The following PPP1R16B variants were observed in gnomAD, a reference collection of about 807,000 sequenced individuals.
The protein encoded by PPP1R16B is protein phosphatase 1 regulatory inhibitor subunit 16B.
PPP1R16B carries 14 observed loss-of-function variants against 61.7 expected under a neutral mutation model. That is an observed-to-expected ratio of 0.23 (90% CI 0.15 to 0.35). The LOEUF (loss-of-function observed/expected upper bound fraction) is 0.35, where lower values mean the gene tolerates loss of function less well. PPP1R16B is among the 10% of genes least tolerant of loss of function. The pLI is 1.00. For missense variants in PPP1R16B, 547 were observed against 752.5 expected, an observed-to-expected ratio of 0.73 and a Z score of 3.19; for synonymous variants, 266 against 305.3, an observed-to-expected ratio of 0.87 and a Z score of 1.34.
At chr20:38,881,051 C>T (rs766256119) in intron 2 of PPP1R16B, among the ~76,000 whole-genome samples, 1 of 152,168 alleles carries the variant, frequency 6.6e-6, no homozygotes, top group Non-Finnish European at 1.5e-5. Flanking sequence ...CTCCTGGGAC[C>T]TGAGGCTTGG....
chr20:38,817,565 CAAA>C (rs773898309), intron 1 of PPP1R16B, among the ~76,000 whole-genome samples: 3 of 50,678 alleles, frequency 5.9e-5, no homozygotes, highest in Admixed American at 2.1e-4. Context: ...AACTCCATCT[CAAA>C]AAAAAAAAAA....
chr20:38,910,992 TCAAAACAAAA>T (rs553973851), intron 10 of PPP1R16B, among the ~76,000 whole-genome samples: 18 of 151,260 alleles, frequency 1.2e-4, no homozygotes, highest in Non-Finnish European at 2.2e-4. Flanking sequence ...AGACTCCGTC[TCAAAACAAAA>T]CAAAACAAAA....
intron 2 of PPP1R16B, among the ~76,000 whole-genome samples, chr20:38,855,982 A>AGAGAGAAGG (rs1449393855): frequency 2.4e-5 from 1 of 41,574 alleles, no homozygotes; most frequent in Admixed American, 2.9e-4. Context: ...AGAGAGAGAG[A>AGAGAGAAGG]AGGAGGAGGA....
chr20:38,857,402 C>T (rs1469922244), intron 2 of PPP1R16B, among the ~76,000 whole-genome samples: 5 of 152,134 alleles, frequency 3.3e-5, no homozygotes, highest in African/African-American at 9.7e-5. Flanking sequence ...TAACTGTATT[C>T]CTTATTTAAT....
chr20:38,883,147 G>T (rs1274681933), intron 2 of PPP1R16B, among the ~76,000 whole-genome samples: 2 of 152,194 alleles, frequency 1.3e-5, no homozygotes, highest in Non-Finnish European at 2.9e-5. Flanking sequence ...ATGGCGAGGT[G>T]GCAGCAGCTC....
chr20:38,833,370 T>C lies in PPP1R16B; in HGVS notation c.-101-2455T>C, dbSNP rs6015967. Among the ~76,000 whole-genome samples the C allele has an allele frequency of 7.2e-5, 11 of 152,332 alleles. 1 individual carries two copies. Among genetic ancestry groups the C allele is most frequent in the African/African-American group, 1.7e-4 (7 of 41,584 alleles). ...TTATGAACTGAGGTGGTAGATACATTGATACAATTGCATAAAACAAAACAC... is the reference window on the plus strand; with the variant it reads ...TTATGAACTGAGGTGGTAGATACATCGATACAATTGCATAAAACAAAACAC... On this transcript the variant is annotated intron_variant, in intron 1 of 10. Transcript: ENST00000299824.
At chr20:38,847,091 T>C (rs1361976497) in intron 2 of PPP1R16B, among the ~76,000 whole-genome samples, 1 of 152,216 alleles carries the variant, frequency 6.6e-6, no homozygotes, top group Non-Finnish European at 1.5e-5. Flanking sequence ...TTCATTGGCT[T>C]TGAGGTCTCG....
At chr20:38,810,329 G>A (rs942937273) in intron 1 of PPP1R16B, among the ~76,000 whole-genome samples, 6 of 152,224 alleles carry the variant, frequency 3.9e-5, no homozygotes, top group Non-Finnish European at 7.3e-5. Context: ...CTATCCTGCC[G>A]GGAGCCCCGA....
chr20:38,906,749 C>A (rs560738659), intron 7 of PPP1R16B, among the ~76,000 whole-genome samples: 1 of 152,298 alleles, frequency 6.6e-6, no homozygotes, highest in African/African-American at 2.4e-5. Context: ...TTACAGCCAA[C>A]TCTTTCTTCT....
chr20:38,843,385 C>CA (rs2084920402), intron 2 of PPP1R16B, among the ~76,000 whole-genome samples: 1 of 152,234 alleles, frequency 6.6e-6, no homozygotes, highest in Admixed American at 6.5e-5. Context: ...AGGTTGCAGT[C>CA]ACTTCAGGAT....
chr20:38,837,569 T>G (rs2084880477), intron 2 of PPP1R16B, among the ~76,000 whole-genome samples: 1 of 149,112 alleles, frequency 6.7e-6, no homozygotes, highest in African/African-American at 2.5e-5. Flanking sequence ...TGAGACAGAG[T>G]CTCACTCTGT....
chr20:38,836,070 C>G lies in PPP1R16B; in HGVS notation c.145C>G (p.Arg49Gly). Residue 49 changes from arginine to glycine, a missense_variant, in exon 2 of 11, where the codon CGA becomes GGA. Transcript: ENST00000299824. ...QYEQDLQHRK[R>G]KHERKRSTGG... ...CGAGCAGGACTTGCAGCACCGCAAGCGAAAGCATGAGCGGAAGCGCAGCAC... is the reference window on the plus strand; with the variant it reads ...CGAGCAGGACTTGCAGCACCGCAAGGGAAAGCATGAGCGGAAGCGCAGCAC... The G allele has an allele frequency of 6.2e-7, 1 of 1,611,392 alleles. No individual in the cohort carries two copies. Among genetic ancestry groups the G allele is most frequent in the Non-Finnish European group, 8.5e-7 (1 of 1,179,422 alleles).
chr20:38,837,709 G>C (rs1489058776), intron 2 of PPP1R16B, among the ~76,000 whole-genome samples: 1 of 151,550 alleles, frequency 6.6e-6, no homozygotes, highest in Non-Finnish European at 1.5e-5. Context: ...CCATGCCCTG[G>C]CTATTTTTTT....
intron 10 of PPP1R16B, among the ~76,000 whole-genome samples, chr20:38,917,511 G>T (rs55996040): frequency 6.6e-6 from 1 of 152,076 alleles, no homozygotes; most frequent in Non-Finnish European, 1.5e-5. Flanking sequence ...TCAAACTCTT[G>T]TTATCCAAGG....
intron 10 of PPP1R16B, among the ~76,000 whole-genome samples, chr20:38,915,121 T>G (rs1022818942): frequency 6.6e-6 from 1 of 152,192 alleles, no homozygotes; most frequent in African/African-American, 2.4e-5. Flanking sequence ...GTGGTACATA[T>G]GTTATCACTG....
At chr20:38,909,557 G>T (rs1023036498) in intron 10 of PPP1R16B, among the ~76,000 whole-genome samples, 2 of 152,208 alleles carry the variant, frequency 1.3e-5, no homozygotes, top group African/African-American at 4.8e-5. Context: ...GGATGAGGGA[G>T]AAGTTAACTG....
chr20:38,848,173 T>C (rs1481570512), intron 2 of PPP1R16B, among the ~76,000 whole-genome samples: 1 of 152,250 alleles, frequency 6.6e-6, no homozygotes, highest in Non-Finnish European at 1.5e-5. Context: ...AGAAATACTT[T>C]ATGGGCTCTT....
chr20:38,891,444 T>G (rs2085291574), intron 3 of PPP1R16B, among the ~76,000 whole-genome samples: 3 of 152,354 alleles, frequency 2.0e-5, no homozygotes, highest in African/African-American at 7.2e-5. Flanking sequence ...ATGTGACCAC[T>G]TCCCTGCAAA....
At chr20:38,851,470 A>T (rs1270526219) in intron 2 of PPP1R16B, among the ~76,000 whole-genome samples, 1 of 151,996 alleles carries the variant, frequency 6.6e-6, no homozygotes, top group Non-Finnish European at 1.5e-5. Flanking sequence ...ATCTTAAAAA[A>T]AAAAAAACCA....
Sources: allele counts gnomAD v4.1 joint callset (sites outside exome capture counted in the v4.1 genomes callset), GRCh38; gene constraint gnomAD v4.1.1; transcripts MANE v1.5; gene names NCBI Gene and HGNC (gene_info 2026-07-23, HGNC 2026-07-21).